Variants in ARHGAP45 observed in about 807,000 individuals in gnomAD.
ARHGAP45 encodes rho GTPase-activating protein 45.
ARHGAP45 carries 56 observed loss-of-function variants against 116.1 expected under a neutral mutation model. The ratio of observed to expected loss-of-function variants is 0.48; its 90% CI spans 0.39 to 0.60. ARHGAP45 has a LOEUF of 0.60. Ranked by LOEUF, ARHGAP45 falls within the 20% of genes least tolerant of loss-of-function variation. The probability of loss-of-function intolerance (pLI) is 0.00; values close to 1 mark genes in which losing one functional copy is unlikely to be tolerated. For synonymous variants in ARHGAP45, 866 were observed against 701.7 expected (o/e 1.23, Z -3.70); for missense variants, 1,622 against 1,601.0 (o/e 1.01, Z -0.22).
intron 1 of ARHGAP45, 94 bp downstream of exon 1, chr19:1,067,589 T>G (rs2043062726): frequency 1.1e-5 from 13 of 1,204,090 alleles, no homozygotes; most frequent in Non-Finnish European, 1.6e-5. Context: ...GGGCGGCGGC[T>G]GGGGGCTCGT....
intron 17 of ARHGAP45, 62 bp from the exon 18 acceptor site, chr19:1,081,488 G>C: frequency 2.1e-6 from 3 of 1,411,182 alleles, no homozygotes; most frequent in Non-Finnish European, 2.8e-6. Context: ...GGGTGGAGCC[G>C]CTGGGGGCTG....
chr19:1,067,288 G>A lies in ARHGAP45; in HGVS notation c.-118G>A. 1 of 1,418,956 alleles carries A rather than the reference G, an allele frequency of 7.0e-7. No homozygotes were observed. The highest frequency in any genetic ancestry group is 9.2e-7 in the Non-Finnish European group (1 of 1,088,920). 87.9% of individuals were successfully genotyped at this position (1,418,956 alleles called of 1,614,324 possible). On this transcript the variant is annotated 5_prime_UTR_variant, in exon 1 of 23. Coordinates refer to ENST00000313093, the MANE Select transcript of ARHGAP45 (RefSeq NM_012292.5). Reference sequence around the variant, plus strand: ...AGTGACGGCCGGGCCTGTCACGTGGGCCTGACAGCTGGGGAGGGGGTGGCC... The same window carrying A: ...AGTGACGGCCGGGCCTGTCACGTGGACCTGACAGCTGGGGAGGGGGTGGCC...
rs1490656722 is a variant in ARHGAP45, at chr19:1,079,770, A to G, written c.1442A>G (p.Glu481Gly). The change falls in exon 12 of 23, where the codon GAG (glutamate) becomes GGG (glycine). Residue 481 changes from glutamate to glycine, a missense_variant. Transcript: ENST00000313093. ...GCGAAGACGCAGAAGCAGGAGCTGG[A>G]GGATACCAAGGTGACGGCGCTGCGG... The part of the protein sequence containing the change: ...ADAKTQKQEL[E>G]DTKVTALRQI... 1.9e-6 allele frequency: 3 copies of G among 1,612,178 alleles called. No homozygotes were observed. In the Admixed American group the frequency reaches 5.0e-5, roughly 27 times the overall value.
chr19:1,081,492 G>C, intron 17 of ARHGAP45, 58 bp from the exon 18 acceptor site: 1 of 1,421,580 alleles, frequency 7.0e-7, no homozygotes, highest in Non-Finnish European at 9.2e-7. Context: ...GGAGCCGCTG[G>C]GGGCTGCGCT....
Position 1,068,877 on chromosome 19 carries a change from A to G in ARHGAP45, c.421+133A>G, listed in dbSNP as rs1179266332. The G allele has an allele frequency of 2.4e-6, 2 of 825,406 alleles. No homozygotes were observed. The highest frequency in any genetic ancestry group is 3.9e-6 in the Non-Finnish European group (2 of 516,546). The allele number at this position is 825,406 out of a possible 1,614,324, so 51.1% of individuals were successfully genotyped here. A position where few individuals can be genotyped will look rare whatever the true frequency, so the allele number is the denominator to read the frequency against. On this transcript the variant is annotated intron_variant, in intron 2 of 22. Transcript: ENST00000313093. The surrounding 1 kb of genome is among the most constrained non-coding windows in gnomAD (Gnocchi z 7.5). ...CAGGGAGGGCTGTGTGGAAGAGGCCATGACAGCTAAGGCTCTGAGGGATGT... is the reference window on the plus strand; with the variant it reads ...CAGGGAGGGCTGTGTGGAAGAGGCCGTGACAGCTAAGGCTCTGAGGGATGT...
chr19:1,084,355 G>A lies in ARHGAP45; in HGVS notation c.3064+9G>A. The stretch of plus-strand genomic sequence containing the variant: ...GGCGGACGGGTGCAGAGGTGAGTGT[G>A]TGGCTGCCCGAACGGCCCCAAGGGA... On this transcript the variant is annotated intron_variant, in intron 22 of 22. Transcript: ENST00000313093. 6.3e-7 allele frequency: 1 copy of A among 1,599,256 alleles called. No homozygotes were observed. The highest frequency in any genetic ancestry group is 2.2e-5 in the East Asian group (1 of 44,662).
rs895605436 is a variant in ARHGAP45, at chr19:1,086,177, G to T, written c.*171G>T. ...CGCCTCCTCCCAGAGGCTTCCAGGA[G>T]CACGAGGGCCTTGCGGCACAGGACT... On this transcript the variant is annotated 3_prime_UTR_variant, in exon 23 of 23. Coordinates refer to ENST00000313093, the MANE Select transcript of ARHGAP45 (RefSeq NM_012292.5). The T allele has an allele frequency of 1.8e-5, 11 of 618,646 alleles. 1 individual carries two copies. The South Asian group carries it at 1.9e-4, about 11-fold the overall frequency. The allele number at this position is 618,646 out of a possible 1,614,324, so 38.3% of individuals were successfully genotyped here. A position where few individuals can be genotyped will look rare whatever the true frequency, so the allele number is the denominator to read the frequency against.
intron 22 of ARHGAP45, 63 bp downstream of exon 22, chr19:1,084,409 G>T: frequency 7.6e-7 from 1 of 1,313,154 alleles, no homozygotes; most frequent in South Asian, 1.2e-5. Context: ...ATGGGCGCAG[G>T]TGCCATGACC....
intron 8 of ARHGAP45, 28 bp downstream of exon 8, chr19:1,074,435 G>A (rs2043199049): frequency 1.3e-6 from 2 of 1,496,032 alleles, no homozygotes; most frequent in Non-Finnish European, 1.8e-6. Flanking sequence ...ACGGGGCGGG[G>A]GTCCCTGGGC....
chr19:1,073,596 C>A lies in ARHGAP45; in HGVS notation c.650+6C>A, dbSNP rs772703460. The A allele has an allele frequency of 1.9e-6, 3 of 1,613,702 alleles. No homozygotes were observed. Among genetic ancestry groups the A allele is most frequent in the Non-Finnish European group, 2.5e-6 (3 of 1,179,820 alleles). ...GCTGTGGCCTTCAGTAGCACGTGAG[C>A]ACGGGAGCCTGTGGGGCAGGGCAAG... On this transcript the variant is annotated splice_donor_region_variant and intron_variant, in intron 4 of 22. Transcript: ENST00000313093.
chr19:1,078,704 C>T (rs111648669), intron 11 of ARHGAP45, among the ~76,000 whole-genome samples: 1,831 of 151,254 alleles, frequency 0.012, 36 homozygotes, highest in African/African-American at 0.042. Flanking sequence ...CCACCGCGCC[C>T]GGCCCCGATT....
intron 1 of ARHGAP45, chr19:1,067,819 C>T (rs1386181497): frequency 5.0e-6 from 3 of 603,298 alleles, no homozygotes; most frequent in African/African-American, 1.9e-5. Flanking sequence ...AATCTGGGGG[C>T]TCTAGGGGCC....
intron 10 of ARHGAP45, 140 bp downstream of exon 10, chr19:1,075,019 G>T (rs2043214868): frequency 1.8e-6 from 1 of 563,258 alleles, no homozygotes; most frequent in Non-Finnish European, 2.4e-6. Context: ...GGCCTCGCAG[G>T]CTGGGCCGCC....
Position 1,071,482 on chromosome 19 carries a change from G to A in ARHGAP45, c.422-1667G>A, listed in dbSNP as rs978752945. Reference sequence around the variant, plus strand: ...GCGCCTGGCCTGGCCGTGCGCACCTGGGCATCCCTGCGCTGCGCAGGGGTC... The same window carrying A: ...GCGCCTGGCCTGGCCGTGCGCACCTAGGCATCCCTGCGCTGCGCAGGGGTC... On this transcript the variant is annotated intron_variant, in intron 2 of 22. Transcript: ENST00000313093. The surrounding 1 kb of genome is among the most constrained non-coding windows in gnomAD (Gnocchi z 4.6). 1.5e-5 allele frequency: 11 copies of A among 744,240 alleles called. No homozygotes were observed. In the African/African-American group the frequency reaches 1.7e-4, roughly 12 times the overall value. 46.1% of individuals were successfully genotyped at this position (744,240 alleles called of 1,614,324 possible).
At chr19:1,083,490 C>T (rs1379978930) in intron 21 of ARHGAP45, 137 bp downstream of exon 21, 2 of 733,522 alleles carry the variant, frequency 2.7e-6, no homozygotes, top group Non-Finnish European at 4.4e-6. Flanking sequence ...GTTCGGGAGG[C>T]CACTGTCTTT....
intron 21 of ARHGAP45, 116 bp downstream of exon 21, chr19:1,083,469 TG>T: frequency 1.1e-6 from 1 of 902,034 alleles, no homozygotes. Context: ...TAATTTGGTT[TG>T]GACAGGGCTG....
In ARHGAP45 at chr19:1,067,211, G is replaced by T; in HGVS notation, c.-195G>T. 7.4e-7 allele frequency: 1 copy of T among 1,357,008 alleles called. No individual in the cohort carries two copies. The highest frequency in any genetic ancestry group is 9.4e-7 in the Non-Finnish European group (1 of 1,060,768). 84.1% of individuals were successfully genotyped at this position (1,357,008 alleles called of 1,614,324 possible). On this transcript the variant is annotated 5_prime_UTR_variant, in exon 1 of 23. The change creates a new upstream start codon in the 5' untranslated region. Coordinates refer to ENST00000313093, the MANE Select transcript of ARHGAP45 (RefSeq NM_012292.5). ...TGAGGCCGGGAAGGGTCGGGGGCGA[G>T]GCCGCGTCGCCGCCTCCCCGAAGCC...
At position 1,074,374 on chromosome 19, in the gene ARHGAP45, C is replaced by T. The variant is rs1397970511; in HGVS notation, c.960C>T (p.Ile320=). 16 of 1,601,116 alleles carry T rather than the reference C, an allele frequency of 1.0e-5. No homozygotes were observed. In the Admixed American group the frequency reaches 1.0e-4, roughly 10 times the overall value. Residue 320 remains isoleucine (I), a synonymous_variant, in exon 8 of 23, where the codon ATC becomes ATT. Transcript: ENST00000313093. ...AGTTTGCCAAGGGCCTGCAGAAGAT[C>T]GCTCACAACTGCAGACAGAGCGTCA... ...EMEFAKGLQK[I]AHNCRQSVMQ...
intron 9 of ARHGAP45, 25 bp from the exon 10 acceptor site, chr19:1,074,774 C>CCACTCACGGCCCGT: frequency 6.3e-7 from 1 of 1,599,566 alleles, no homozygotes; most frequent in Non-Finnish European, 8.5e-7. Context: ...ACCGGGGTAC[C>CCACTCACGGCCCGT]CACTCACGGC....
Sources: allele counts gnomAD v4.1 joint callset (sites outside exome capture counted in the v4.1 genomes callset), GRCh38; gene constraint gnomAD v4.1.1; non-coding constraint Gnocchi (gnomAD v3.1); transcripts MANE v1.5; gene names NCBI Gene and HGNC (gene_info 2026-07-23, HGNC 2026-07-21).